Variants in ELMO1 observed in about 807,000 individuals in gnomAD.
ELMO1 encodes the protein engulfment and cell motility protein 1.
In ELMO1, 26 loss-of-function variants were observed where a neutral mutation model predicts 98.9. The ratio of observed to expected loss-of-function variants is 0.26; its 90% CI spans 0.19 to 0.36. The LOEUF (loss-of-function observed/expected upper bound fraction) is 0.36. Among genes scored for constraint, ELMO1 ranks in the 10% least tolerant of loss-of-function variants. ELMO1 has a pLI of 1.00. For missense variants in ELMO1, 627 were observed against 935.2 expected (o/e 0.67, Z 4.30); for synonymous variants, 346 against 346.0 (o/e 1.00, Z 0.00).
chr7:37,282,499 G>A (rs571663295), intron 4 of ELMO1, among the ~76,000 whole-genome samples: 140 of 152,338 alleles, frequency 9.2e-4, no homozygotes, highest in African/African-American at 3.0e-3. Flanking sequence ...TGAAACAACT[G>A]AGGGCAATAT....
At chr7:37,330,282 C>T (rs1800034331) in intron 2 of ELMO1, among the ~76,000 whole-genome samples, 1 of 152,206 alleles carries the variant, frequency 6.6e-6, no homozygotes, top group Non-Finnish European at 1.5e-5. Context: ...CACAGCTTAG[C>T]ATTTGTATTA....
At chr7:37,263,423 T>C (rs1327500959) in intron 5 of ELMO1, among the ~76,000 whole-genome samples, 4 of 152,204 alleles carry the variant, frequency 2.6e-5, no homozygotes, top group African/African-American at 9.7e-5. Flanking sequence ...CAGCAACAAA[T>C]AAGACAGCTA....
In ELMO1 at chr7:37,185,847, A is replaced by C. The variant is rs568305399; in HGVS notation, c.1086+25539T>G. On this transcript the variant is annotated intron_variant, in intron 13 of 21. Coordinates refer to ENST00000310758, the MANE Select transcript of ELMO1 (RefSeq NM_014800.11). ...AATCAATGGGTATCCCATGTTCATG[A>C]ATTAGAAGGCTTTATCTTGTTAAGC... 6.6e-5 allele frequency among the ~76,000 whole-genome samples: 10 copies of C among 152,342 alleles called. No homozygotes were observed. In the South Asian group the frequency reaches 1.5e-3, roughly 22 times the overall value.
chr7:37,193,411 A>C (rs1464761833), intron 13 of ELMO1, among the ~76,000 whole-genome samples: 2 of 152,166 alleles, frequency 1.3e-5, no homozygotes, highest in East Asian at 1.9e-4. Context: ...ACGTAAACTG[A>C]ATAAGAACAA....
At chr7:36,906,065 A>G (rs1473110187) in intron 16 of ELMO1, among the ~76,000 whole-genome samples, 1 of 152,242 alleles carries the variant, frequency 6.6e-6, no homozygotes, top group Non-Finnish European at 1.5e-5. Context: ...CACAGGGGAA[A>G]TGAGGTAGGA....
chr7:37,131,796 C>A (rs1297839125), intron 14 of ELMO1, among the ~76,000 whole-genome samples: 1 of 152,196 alleles, frequency 6.6e-6, no homozygotes, highest in Non-Finnish European at 1.5e-5. Flanking sequence ...CAATAAAATT[C>A]TCTATATATT....
intron 4 of ELMO1, among the ~76,000 whole-genome samples, chr7:37,292,887 C>G (rs1583474979): frequency 9.7e-6 from 1 of 102,600 alleles, no homozygotes; most frequent in African/African-American, 3.4e-5. Context: ...GCCCCTCTGC[C>G]CGGCCAGCCG....
chr7:36,994,649 G>A (rs1313767663), intron 16 of ELMO1, among the ~76,000 whole-genome samples: 1 of 152,204 alleles, frequency 6.6e-6, no homozygotes, highest in African/African-American at 2.4e-5. Flanking sequence ...CTCAGTCTGA[G>A]AGGGACTAGG....
intron 16 of ELMO1, among the ~76,000 whole-genome samples, chr7:36,989,678 A>G (rs1366763763): frequency 1.3e-5 from 2 of 152,190 alleles, no homozygotes; most frequent in African/African-American, 4.8e-5. Flanking sequence ...TGGTTGTATC[A>G]TATAATCCAA....
At chr7:37,414,144 A>C (rs1172559829) in intron 1 of ELMO1, among the ~76,000 whole-genome samples, 1 of 152,242 alleles carries the variant, frequency 6.6e-6, no homozygotes, top group Non-Finnish European at 1.5e-5. Flanking sequence ...TGAATCATGG[A>C]ATTCATTTGA....
chr7:37,159,761 A>G (rs1789074531), intron 13 of ELMO1, among the ~76,000 whole-genome samples: 2 of 152,278 alleles, frequency 1.3e-5, no homozygotes, highest in Non-Finnish European at 2.9e-5. Flanking sequence ...TGAAAGGAGA[A>G]AGGGAGGAAG....
intron 16 of ELMO1, among the ~76,000 whole-genome samples, chr7:36,922,617 A>G (rs1221772249): frequency 6.6e-6 from 1 of 152,204 alleles, no homozygotes; most frequent in Non-Finnish European, 1.5e-5. Flanking sequence ...AGACAAAGAA[A>G]AAAAATGAGA....
At chr7:37,204,224 C>T (rs1792471956) in intron 13 of ELMO1, 1 of 455,706 alleles carries the variant, frequency 2.2e-6, no homozygotes, top group Admixed American at 2.3e-5. Flanking sequence ...AAGAATGAAG[C>T]CATGGACCCT....
intron 5 of ELMO1, among the ~76,000 whole-genome samples, chr7:37,267,702 C>T (rs1796338473): frequency 6.6e-6 from 1 of 152,204 alleles, no homozygotes; most frequent in Non-Finnish European, 1.5e-5. Flanking sequence ...TGAACTTCTT[C>T]TCAGATAGAT....
At chr7:37,207,081 A>G (rs911600546) in intron 13 of ELMO1, among the ~76,000 whole-genome samples, 1 of 152,178 alleles carries the variant, frequency 6.6e-6, no homozygotes, top group Admixed American at 6.5e-5. Flanking sequence ...CAGGAACACA[A>G]CACTTTGCAG....
intron 5 of ELMO1, among the ~76,000 whole-genome samples, chr7:37,263,710 T>C (rs1796096661): frequency 6.6e-6 from 1 of 152,132 alleles, no homozygotes; most frequent in African/African-American, 2.4e-5. Context: ...GCCAAAGCCC[T>C]GATTCAGGTG....
At chr7:37,188,451 CGCAA>C (rs60333729) in intron 13 of ELMO1, among the ~76,000 whole-genome samples, 92 of 7,346 alleles carry the variant, frequency 0.013, no homozygotes, top group Non-Finnish European at 0.012. Context: ...CACACACACA[CGCAA>C]ACACACACAC....
intron 2 of ELMO1, among the ~76,000 whole-genome samples, chr7:37,326,329 C>A (rs113394484): frequency 0.05 from 7,544 of 152,168 alleles, 262 homozygotes; most frequent in African/African-American, 0.088. Context: ...CCAAGGCAGG[C>A]AGATCACCTG....
intron 13 of ELMO1, among the ~76,000 whole-genome samples, chr7:37,203,399 C>G (rs1373301635): frequency 6.6e-6 from 1 of 152,126 alleles, no homozygotes; most frequent in Non-Finnish European, 1.5e-5. Context: ...GTCTTTTGTC[C>G]TCACTTATAT....
Sources: allele counts gnomAD v4.1 joint callset (sites outside exome capture counted in the v4.1 genomes callset), GRCh38; gene constraint gnomAD v4.1.1; transcripts MANE v1.5; gene names NCBI Gene and HGNC (gene_info 2026-07-23, HGNC 2026-07-21).